ARHGEF18: variants seen among roughly 807,000 people sequenced by gnomAD.
The protein encoded by ARHGEF18 is Rho/Rac guanine nucleotide exchange factor 18.
ARHGEF18 carries 93 observed loss-of-function variants against 155.7 expected under a neutral mutation model. The observed-to-expected ratio is 0.60, with a 90% CI of 0.50 to 0.71. The LOEUF is 0.71. Ranked by LOEUF, ARHGEF18 falls within the 30% of genes least tolerant of loss-of-function variation. The pLI is 0.00. For synonymous variants in ARHGEF18, 742 were observed against 753.1 expected, an observed-to-expected ratio of 0.99 and a Z score of 0.24; for missense variants, 1,593 against 1,816.1, an observed-to-expected ratio of 0.88 and a Z score of 2.23.
chr19:7,370,263 A>G (rs553131274), intron 2 of ARHGEF18, among the ~76,000 whole-genome samples: 2 of 152,324 alleles, frequency 1.3e-5, no homozygotes, highest in South Asian at 4.1e-4. Context: ...TGGGAGGCCA[A>G]AGCGGGTGGA....
intron 10 of ARHGEF18, among the ~76,000 whole-genome samples, chr19:7,429,473 G>A (rs1355457754): frequency 6.6e-6 from 1 of 152,064 alleles, no homozygotes; most frequent in East Asian, 1.9e-4. Flanking sequence ...TGTGGTGGCA[G>A]GCGCCTGTAA....
At chr19:7,391,046 T>A (rs949358298) in intron 10 of ARHGEF18, among the ~76,000 whole-genome samples, 9 of 151,530 alleles carry the variant, frequency 5.9e-5, no homozygotes, top group African/African-American at 1.9e-4. Context: ...CTCAAAAAAA[T>A]AAATAAATAA....
chr19:7,373,208 C>T, intron 3 of ARHGEF18, 137 bp downstream of exon 3: 3 of 1,102,324 alleles, frequency 2.7e-6, no homozygotes, highest in Non-Finnish European at 3.4e-6. Flanking sequence ...TACCAGGGAC[C>T]AGTTTCATGG....
chr19:7,388,066 TATC>T (rs1225805604), intron 10 of ARHGEF18, among the ~76,000 whole-genome samples: 1 of 152,016 alleles, frequency 6.6e-6, no homozygotes, highest in Admixed American at 6.6e-5. Context: ...GTGAGTGGCT[TATC>T]ATGTCCTGCA....
chr19:7,458,392 T>A (rs1975985995), intron 18 of ARHGEF18, 120 bp from the exon 19 acceptor site: 1 of 873,148 alleles, frequency 1.1e-6, no homozygotes. Context: ...TTGAATTGTT[T>A]GAAAAGAAAT....
chr19:7,375,167 G>C (rs1970375304), intron 3 of ARHGEF18, among the ~76,000 whole-genome samples: 1 of 151,834 alleles, frequency 6.6e-6, no homozygotes, highest in Admixed American at 6.6e-5. Flanking sequence ...AGCTATTTGG[G>C]AGGCTGAGGG....
intron 10 of ARHGEF18, among the ~76,000 whole-genome samples, chr19:7,420,190 G>A (rs1043769599): frequency 2.0e-5 from 3 of 152,156 alleles, no homozygotes; most frequent in Non-Finnish European, 2.9e-5. Context: ...CTGGGCTCAA[G>A]TGATCCTCCT....
At chr19:7,374,786 C>G (rs1464921352) in intron 3 of ARHGEF18, among the ~76,000 whole-genome samples, 1 of 152,146 alleles carries the variant, frequency 6.6e-6, no homozygotes, top group South Asian at 2.1e-4. Flanking sequence ...ACCCATCAGA[C>G]CCACGCATAT....
At position 7,414,867 on chromosome 19, in the gene ARHGEF18, T is replaced by TGC. The variant is rs561436065; in HGVS notation, c.968-25476_968-25475dup. Among the ~76,000 whole-genome samples, 217 of 151,414 alleles carry TGC rather than the reference T, an allele frequency of 1.4e-3. 1 individual carries two copies. The highest frequency in any genetic ancestry group is 2.5e-3 in the Non-Finnish European group (168 of 67,858). On this transcript the variant is annotated intron_variant, in intron 10 of 28. Transcript: ENST00000668164. ...AAAATTAGCCGGGTGTGGGGGCAGGTGCCTGTAATCCCAGCTACTCGGGTG... is the reference window on the plus strand; with the variant it reads ...AAAATTAGCCGGGTGTGGGGGCAGGTGCGCCTGTAATCCCAGCTACTCGGGTG...
chr19:7,362,065 G>GA (rs1969606557), intron 1 of ARHGEF18, among the ~76,000 whole-genome samples: 2 of 43,904 alleles, frequency 4.6e-5, no homozygotes, highest in African/African-American at 3.4e-4. Context: ...GAAGGAGAAG[G>GA]AGAAGGAGAA....
chr19:7,447,800 C>T (rs1975090007), intron 15 of ARHGEF18, among the ~76,000 whole-genome samples: 1 of 152,020 alleles, frequency 6.6e-6, no homozygotes, highest in South Asian at 2.1e-4. Flanking sequence ...TCGAGACCAG[C>T]CTGGGCAACA....
chr19:7,476,360 G>A (rs546545721), downstream of ARHGEF18, among the ~76,000 whole-genome samples: 42 of 152,272 alleles, frequency 2.8e-4, no homozygotes, highest in Admixed American at 2.6e-3. Flanking sequence ...GCCCAAGGGC[G>A]CACACACACT....
intron 10 of ARHGEF18, among the ~76,000 whole-genome samples, chr19:7,435,053 T>A (rs1046790172): frequency 6.6e-6 from 1 of 152,018 alleles, no homozygotes; most frequent in Non-Finnish European, 1.5e-5. Flanking sequence ...AATACAAAAA[T>A]TAGCTGGGCG....
chr19:7,469,073 C>G lies in ARHGEF18; in HGVS notation c.3729C>G (p.Thr1243=), dbSNP rs367658293. 3 of 1,608,784 alleles carry G rather than the reference C, an allele frequency of 1.9e-6. No individual in the cohort carries two copies. The highest frequency in any genetic ancestry group is 2.7e-5 in the African/African-American group (2 of 74,874). ...QQIPTKLAAS[T]KGGKDKGGKS... ...TCCCCACCAAGCTGGCGGCCTCCACCAAGGGTGGCAAGGACAAGGGCGGCA... is the reference window on the plus strand; with the variant it reads ...TCCCCACCAAGCTGGCGGCCTCCACGAAGGGTGGCAAGGACAAGGGCGGCA... The change falls in exon 27 of 29, where the codon ACC becomes ACG. Residue 1243 remains threonine, a synonymous_variant. Coordinates refer to ENST00000668164, the MANE Select transcript of ARHGEF18 (RefSeq NM_001367823.1).
At position 7,462,163 on chromosome 19, in the gene ARHGEF18, A is replaced by G. The variant is rs568146544; in HGVS notation, c.2464A>G (p.Met822Val). 5.8e-5 allele frequency: 93 copies of G among 1,613,914 alleles called. No individual in the cohort carries two copies. In the East Asian group the frequency reaches 2.0e-3, roughly 35 times the overall value. ...CCATCACTCTGCAGAGCGGTTGAGC[A>G]TGAAAGACCAGCTGATCGCACAGAG... is the stretch of plus-strand genomic sequence containing the variant. ...RLRDFQERLS[M>V]KDQLIAQSLL... is the part of the protein sequence containing the mutation. The change falls in exon 21 of 29, where the codon ATG becomes GTG. Residue 822 changes from methionine to valine, a missense_variant. By Grantham distance (21) the Met-to-Val change is conservative. Coordinates refer to ENST00000668164, the MANE Select transcript of ARHGEF18 (RefSeq NM_001367823.1). This position sits in a 1 kb window ranked among gnomAD's most constrained non-coding sequence, Gnocchi z 4.4.
At chr19:7,362,004 GAA>G in intron 1 of ARHGEF18, among the ~76,000 whole-genome samples, 6 of 50,010 alleles carry the variant, frequency 1.2e-4, no homozygotes, top group African/African-American at 6.7e-4. Flanking sequence ...AGAAGAAGAA[GAA>G]GAAGAAGAAG....
At chr19:7,394,700 C>T (rs1222156704) in intron 10 of ARHGEF18, among the ~76,000 whole-genome samples, 2 of 151,316 alleles carry the variant, frequency 1.3e-5, no homozygotes, top group East Asian at 3.9e-4. Flanking sequence ...CCTTGAGATT[C>T]TCCAAACCGC....
In ARHGEF18 at chr19:7,444,534, A is replaced by T; in HGVS notation, c.1611+80A>T. On this transcript the variant is annotated intron_variant, in intron 14 of 28. Coordinates refer to ENST00000668164, the MANE Select transcript of ARHGEF18 (RefSeq NM_001367823.1). This position sits in a 1 kb window ranked among gnomAD's most constrained non-coding sequence, Gnocchi z 4.7. ...TTCCTTTCTTCTTTTTTTCTGAGAT[A>T]GGGTCTTGCCGTGTCGCCCAGGCTG... The T allele has an allele frequency of 6.4e-7, 1 of 1,550,516 alleles. No individual in the cohort carries two copies. The highest frequency in any genetic ancestry group is 1.7e-4 in the Middle Eastern group (1 of 5,844).
chr19:7,390,091 G>A (rs1396703112), intron 10 of ARHGEF18, among the ~76,000 whole-genome samples: 1 of 152,136 alleles, frequency 6.6e-6, no homozygotes, highest in Non-Finnish European at 1.5e-5. Context: ...AGCTACTCGG[G>A]AGGCTGAGGT....
Sources: gnomAD v4.1 joint callset for allele counts (sites outside exome capture counted in the v4.1 genomes callset) on GRCh38, gnomAD v4.1.1 for gene constraint, Gnocchi (gnomAD v3.1) non-coding constraint, MANE v1.5 for transcripts, NCBI Gene and HGNC (gene_info 2026-07-23, HGNC 2026-07-21) for gene names.